ABI3BP: variants seen among roughly 807,000 people sequenced by gnomAD.
ABI3BP encodes target of Nesh-SH3.
In ABI3BP, 216 loss-of-function variants were observed where a neutral mutation model predicts 268.6. The observed-to-expected ratio is 0.80, with a 90% CI of 0.72 to 0.90. ABI3BP has a LOEUF of 0.90. Among genes scored for constraint, ABI3BP ranks in the 40% least tolerant of loss-of-function variants. ABI3BP has a pLI of 0.00. For synonymous variants in ABI3BP, 730 were observed against 730.0 expected (o/e 1.00, Z 0.00); for missense variants, 2,090 against 2,182.4 (o/e 0.96, Z 0.84).
chr3:100,932,925 A>G lies in ABI3BP; in HGVS notation c.80-6444T>C, dbSNP rs1444669750. Among the ~76,000 whole-genome samples the G allele has an allele frequency of 2.6e-5, 4 of 151,820 alleles. No homozygotes were observed. In the South Asian group the frequency reaches 8.3e-4, roughly 31 times the overall value. On this transcript the variant is annotated intron_variant, in intron 1 of 67. Coordinates refer to ENST00000471714, the MANE Select transcript of ABI3BP (RefSeq NM_001375547.2). ...CACATGGTACTCAGTGAGACAAGCT[A>G]AACTATCATGGACATCCAGTCACTT... is the stretch of plus-strand genomic sequence containing the variant.
intron 1 of ABI3BP, among the ~76,000 whole-genome samples, chr3:100,935,070 C>G (rs1187792862): frequency 1.3e-5 from 2 of 151,956 alleles, no homozygotes; most frequent in Non-Finnish European, 2.9e-5. Context: ...TTTCCTGAAT[C>G]GTATTGCCTA....
chr3:100,760,385 A>G (rs1352077955), intron 63 of ABI3BP, among the ~76,000 whole-genome samples: 1 of 152,198 alleles, frequency 6.6e-6, no homozygotes, highest in Non-Finnish European at 1.5e-5. Context: ...GTGTGTGTTC[A>G]TCCATTTGCC....
At chr3:100,792,107 A>C (rs952676174) in intron 55 of ABI3BP, among the ~76,000 whole-genome samples, 2 of 151,888 alleles carry the variant, frequency 1.3e-5, no homozygotes, top group Admixed American at 6.6e-5. Flanking sequence ...TGAGTGCATG[A>C]AGATGAGATA....
chr3:100,791,457 AGATT>A (rs548525711), intron 55 of ABI3BP, among the ~76,000 whole-genome samples: 56 of 152,040 alleles, frequency 3.7e-4, no homozygotes, highest in African/African-American at 1.2e-3. Flanking sequence ...TGGTAAAAAC[AGATT>A]GATTATGAGA....
intron 4 of ABI3BP, among the ~76,000 whole-genome samples, chr3:100,895,482 T>C (rs1378608653): frequency 6.6e-6 from 1 of 152,160 alleles, no homozygotes; most frequent in African/African-American, 2.4e-5. Flanking sequence ...ATAGTCAAAA[T>C]ATAAAAACAA....
chr3:100,774,235 C>G (rs898726284), intron 61 of ABI3BP, among the ~76,000 whole-genome samples: 12 of 152,104 alleles, frequency 7.9e-5, no homozygotes, highest in African/African-American at 2.7e-4. Context: ...AGATATGACA[C>G]AAAAAGGAGC....
At chr3:100,820,928 A>G (rs1171042531) in intron 39 of ABI3BP, 126 bp downstream of exon 39, 3 of 830,522 alleles carry the variant, frequency 3.6e-6, no homozygotes, top group Non-Finnish European at 5.7e-6. Flanking sequence ...GATGAAGAAT[A>G]TGATGGAATG....
chr3:100,909,600 T>C (rs1439337568), intron 2 of ABI3BP, among the ~76,000 whole-genome samples: 1 of 152,148 alleles, frequency 6.6e-6, no homozygotes, highest in East Asian at 1.9e-4. Context: ...CATCAAAAAG[T>C]GGGCGAAGGA....
At chr3:100,981,067 C>T (rs1345873393) in intron 1 of ABI3BP, among the ~76,000 whole-genome samples, 2 of 152,108 alleles carry the variant, frequency 1.3e-5, no homozygotes, top group African/African-American at 4.8e-5. Context: ...TCTAGGAATG[C>T]TATGGTGTGA....
chr3:100,773,694 C>T (rs372225135), intron 61 of ABI3BP, among the ~76,000 whole-genome samples: 8 of 152,216 alleles, frequency 5.3e-5, no homozygotes, highest in South Asian at 2.1e-4. Flanking sequence ...ACCAATGCCA[C>T]GAATGCATTT....
intron 1 of ABI3BP, among the ~76,000 whole-genome samples, chr3:100,988,057 A>G (rs1562331980): frequency 1.3e-5 from 2 of 152,176 alleles, no homozygotes; most frequent in Non-Finnish European, 2.9e-5. Context: ...AATATATGTT[A>G]CTCAAATAAA....
chr3:100,967,076 G>C (rs1004184186), intron 1 of ABI3BP, among the ~76,000 whole-genome samples: 2 of 152,116 alleles, frequency 1.3e-5, no homozygotes, highest in Non-Finnish European at 2.9e-5. Flanking sequence ...TCTGTGAAGG[G>C]AAAGGCTTGA....
intron 3 of ABI3BP, among the ~76,000 whole-genome samples, chr3:100,900,883 A>C (rs2049989840): frequency 6.6e-6 from 1 of 152,224 alleles, no homozygotes; most frequent in Non-Finnish European, 1.5e-5. Context: ...TAGAATCCTC[A>C]AAATAAAATG....
chr3:100,753,705 T>TA, intron 65 of ABI3BP, 114 bp downstream of exon 65: 1 of 1,140,332 alleles, frequency 8.8e-7, no homozygotes, highest in Non-Finnish European at 1.3e-6. Flanking sequence ...TGTTTGGTGT[T>TA]ATAAGAAGAC....
chr3:100,921,652 C>T (rs1272513902), intron 2 of ABI3BP, among the ~76,000 whole-genome samples: 2 of 152,086 alleles, frequency 1.3e-5, no homozygotes, highest in Admixed American at 1.3e-4. Context: ...TACTGCCCCT[C>T]TAGTACAATC....
intron 1 of ABI3BP, among the ~76,000 whole-genome samples, chr3:100,930,135 AG>A (rs2063140070): frequency 1.3e-5 from 2 of 152,036 alleles, no homozygotes. Flanking sequence ...GCCTTAAGGT[AG>A]GGATCATAGA....
At chr3:100,856,612 A>G (rs1486841462) in intron 14 of ABI3BP, among the ~76,000 whole-genome samples, 2 of 152,210 alleles carry the variant, frequency 1.3e-5, no homozygotes, top group East Asian at 1.9e-4. Flanking sequence ...AAGGATGAAA[A>G]CAAACACTTC....
intron 63 of ABI3BP, among the ~76,000 whole-genome samples, chr3:100,764,522 C>G (rs1324326010): frequency 6.6e-6 from 1 of 152,154 alleles, no homozygotes; most frequent in East Asian, 1.9e-4. Flanking sequence ...AATAAGTGCA[C>G]TGTGAGAAGA....
chr3:100,991,470 T>C (rs761889370), intron 1 of ABI3BP, among the ~76,000 whole-genome samples: 3 of 152,140 alleles, frequency 2.0e-5, no homozygotes, highest in South Asian at 2.1e-4. Flanking sequence ...CTAACACTTA[T>C]TGTGATTCCC....
Sources: allele counts gnomAD v4.1 joint callset (sites outside exome capture counted in the v4.1 genomes callset), GRCh38; gene constraint gnomAD v4.1.1; transcripts MANE v1.5; gene names NCBI Gene and HGNC (gene_info 2026-07-23, HGNC 2026-07-21).